NRG1: variants seen among roughly 807,000 people sequenced by gnomAD.
NRG1 encodes pro-neuregulin-1, membrane-bound isoform.
In NRG1, 18 loss-of-function variants were observed where a neutral mutation model predicts 63.8. That is an observed-to-expected ratio of 0.28 (90% confidence interval 0.19 to 0.42). NRG1 has a LOEUF of 0.42. Ranked by LOEUF, NRG1 falls within the 10% of genes least tolerant of loss-of-function variation. The pLI is 1.00. For missense variants in NRG1, 762 were observed against 814.7 expected, an observed-to-expected ratio of 0.94 and a Z score of 0.79; for synonymous variants, 302 against 301.3, an observed-to-expected ratio of 1.00 and a Z score of -0.02.
intron 1 of NRG1, among the ~76,000 whole-genome samples, chr8:32,036,623 C>G (rs1456640712): frequency 6.6e-6 from 1 of 152,110 alleles, no homozygotes; most frequent in Non-Finnish European, 1.5e-5. Context: ...AGGTTTTGTT[C>G]ATTCCTTTTC....
rs539770037 is a variant in NRG1, at chr8:31,701,673, C to T, written c.37+62242C>T. Among the ~76,000 whole-genome samples, 11 of 152,220 alleles carry T rather than the reference C, an allele frequency of 7.2e-5. No homozygotes were observed. In the South Asian group the frequency reaches 1.0e-3, roughly 14 times the overall value. ...CAAATAGATTTGCTTCTCAACAAAG[C>T]GTGTAGTTTAAGCACTTAGTTTTGG... On this transcript the variant is annotated intron_variant, in intron 1 of 10. Coordinates refer to the NRG1 transcript ENST00000519301.
At chr8:32,678,885 CA>C (rs1335173834) in intron 5 of NRG1, among the ~76,000 whole-genome samples, 2 of 143,790 alleles carry the variant, frequency 1.4e-5, no homozygotes, top group Admixed American at 7.2e-5. Flanking sequence ...TTTAATAGCT[CA>C]AAAAAAGTTT....
chr8:31,782,844 C>T (rs533262155), intron 1 of NRG1, among the ~76,000 whole-genome samples: 1 of 152,172 alleles, frequency 6.6e-6, no homozygotes, highest in Non-Finnish European at 1.5e-5. Context: ...ACATACGATG[C>T]GGATGTTGCT....
At chr8:32,730,488 G>A (rs1413337415) in intron 6 of NRG1, among the ~76,000 whole-genome samples, 3 of 152,178 alleles carry the variant, frequency 2.0e-5, no homozygotes, top group Admixed American at 6.5e-5. Context: ...TAAAAAAAGA[G>A]TATGTAGAAA....
intron 1 of NRG1, among the ~76,000 whole-genome samples, chr8:31,949,134 T>C (rs1387863259): frequency 2.6e-5 from 4 of 152,252 alleles, no homozygotes; most frequent in African/African-American, 9.6e-5. Flanking sequence ...CTAATGTATT[T>C]TGAGTAGTTA....
chr8:32,387,528 T>C (rs1039077548), intron 1 of NRG1, among the ~76,000 whole-genome samples: 12 of 152,178 alleles, frequency 7.9e-5, no homozygotes, highest in African/African-American at 2.9e-4. Flanking sequence ...TTCTGAGCCA[T>C]AGCTAGGCTT....
chr8:32,057,894 G>A (rs545213353), intron 1 of NRG1, among the ~76,000 whole-genome samples: 19 of 152,198 alleles, frequency 1.2e-4, no homozygotes, highest in African/African-American at 4.3e-4. Context: ...CACCTTTGTA[G>A]TGTTTTTGCA....
intron 1 of NRG1, among the ~76,000 whole-genome samples, chr8:32,376,170 C>T (rs972218441): frequency 1.3e-5 from 2 of 152,096 alleles, no homozygotes; most frequent in African/African-American, 4.8e-5. Context: ...TAAAATGAAC[C>T]AAGCTAAAAG....
At chr8:32,371,510 C>A (rs1314757573) in intron 1 of NRG1, among the ~76,000 whole-genome samples, 1 of 152,142 alleles carries the variant, frequency 6.6e-6, no homozygotes, top group Non-Finnish European at 1.5e-5. Flanking sequence ...CACTTTATAG[C>A]CACGTTAAAA....
At chr8:32,364,849 T>G (rs1412560213) in intron 1 of NRG1, among the ~76,000 whole-genome samples, 1 of 152,104 alleles carries the variant, frequency 6.6e-6, no homozygotes, top group African/African-American at 2.4e-5. Flanking sequence ...AATTATCTGA[T>G]GAGTGAAAAA....
chr8:32,683,297 C>T (rs983408245), intron 5 of NRG1, among the ~76,000 whole-genome samples: 16 of 152,142 alleles, frequency 1.1e-4, no homozygotes, highest in East Asian at 3.9e-4. Flanking sequence ...CAAGGAAACA[C>T]GGGCTATAGT....
chr8:31,794,308 T>G (rs1012504226), intron 1 of NRG1, among the ~76,000 whole-genome samples: 2 of 152,214 alleles, frequency 1.3e-5, no homozygotes, highest in South Asian at 2.1e-4. Context: ...CAACAGACAT[T>G]TTATAAACCA....
intron 1 of NRG1, among the ~76,000 whole-genome samples, chr8:31,997,122 T>C (rs1812117596): frequency 6.6e-6 from 1 of 151,656 alleles, no homozygotes; most frequent in Non-Finnish European, 1.5e-5. Context: ...TGAATGGGAA[T>C]AATATGGGCA....
intron 1 of NRG1, among the ~76,000 whole-genome samples, chr8:31,648,283 G>A (rs949632992): frequency 1.7e-4 from 26 of 151,498 alleles, no homozygotes; most frequent in African/African-American, 6.3e-4. Context: ...ACAGGCGCGC[G>A]CCACCATGCC....
intron 1 of NRG1, among the ~76,000 whole-genome samples, chr8:31,888,904 A>G (rs1348342133): frequency 6.6e-6 from 1 of 152,136 alleles, no homozygotes. Flanking sequence ...CATATTAGAA[A>G]ACCCTAAAGC....
At chr8:32,218,517 G>A (rs117800280) in intron 1 of NRG1, among the ~76,000 whole-genome samples, 2,333 of 152,100 alleles carry the variant, frequency 0.015, 36 homozygotes, top group Admixed American at 0.024. Flanking sequence ...CTTTTAACAC[G>A]ACCAAGAGTC....
At chr8:32,133,292 T>C (rs1057106439) in intron 1 of NRG1, among the ~76,000 whole-genome samples, 1 of 152,020 alleles carries the variant, frequency 6.6e-6, no homozygotes, top group Admixed American at 6.6e-5. Flanking sequence ...GGGTAGGGGA[T>C]GTTTAGAAAA....
At chr8:32,146,875 A>T (rs1267625809) in intron 1 of NRG1, among the ~76,000 whole-genome samples, 1 of 152,154 alleles carries the variant, frequency 6.6e-6, no homozygotes, top group Non-Finnish European at 1.5e-5. Context: ...TTCTCCAAAA[A>T]GCTGCCTAAG....
intron 1 of NRG1, among the ~76,000 whole-genome samples, chr8:31,946,399 A>G (rs768989097): frequency 3.3e-5 from 5 of 152,202 alleles, no homozygotes; most frequent in Admixed American, 1.3e-4. Flanking sequence ...ATGGAAGATC[A>G]TGCATGGGGA....
Sources: allele counts gnomAD v4.1 joint callset (sites outside exome capture counted in the v4.1 genomes callset), GRCh38; gene constraint gnomAD v4.1.1; transcripts MANE v1.5; gene names NCBI Gene and HGNC (gene_info 2026-07-23, HGNC 2026-07-21).